The following PIM3 variants were observed in gnomAD, a reference collection of about 807,000 sequenced individuals.
PIM3 encodes Pim-3 proto-oncogene, serine/threonine kinase, also known as serine/threonine-protein kinase pim-3.
A neutral mutation model predicts 27.5 loss-of-function variants in PIM3; 13 were observed. The observed-to-expected ratio is 0.47, with a 90% CI of 0.31 to 0.75. PIM3 has a LOEUF of 0.75. Among genes scored for constraint, PIM3 ranks in the 30% least tolerant of loss-of-function variants. The probability of loss-of-function intolerance (pLI) is 0.05; values close to 1 mark genes in which losing one functional copy is unlikely to be tolerated. For missense variants in PIM3, 482 were observed against 476.9 expected (o/e 1.01, Z -0.10); for synonymous variants, 341 against 221.1 (o/e 1.54, Z -4.81).
chr22:49,961,041 G>C lies in PIM3; in HGVS notation c.85+9G>C, dbSNP rs770650711. 4 of 1,346,412 alleles carry C rather than the reference G, an allele frequency of 3.0e-6. No homozygotes were observed. Among genetic ancestry groups the C allele is most frequent in the African/African-American group, 1.5e-5 (1 of 65,324 alleles). The allele number at this position is 1,346,412 out of a possible 1,614,324, so 83.4% of individuals were successfully genotyped here. On this transcript the variant is annotated intron_variant, in intron 1 of 5. Transcript: ENST00000360612. ...GAAGATCCTGCAGCCAGGTACGCGC[G>C]GGGCCGGCGGGGCCGGGGCCGGGGC...
Position 49,962,809 on chromosome 22 carries a change from A to T in PIM3, c.737A>T (p.Glu246Val), listed in dbSNP as rs780300012. The T allele has an allele frequency of 1.9e-6, 3 of 1,611,968 alleles. No homozygotes were observed. In the African/African-American group the frequency reaches 4.0e-5, roughly 22 times the overall value. ...ATGGTGTGTGGGGACATCCCCTTCG[A>T]GCAGGACGAGGAGATCCTCCGAGGC... ...YDMVCGDIPF[E>V]QDEEILRGRL... Residue 246 changes from glutamate to valine, a missense_variant, in exon 5 of 6, where the codon GAG becomes GTG. Coordinates refer to ENST00000360612, the MANE Select transcript of PIM3 (RefSeq NM_001001852.4).
At position 49,962,858 on chromosome 22, in the gene PIM3, C is replaced by G. The variant is rs201559644; in HGVS notation, c.786C>G (p.Val262=). 2.9e-5 allele frequency: 47 copies of G among 1,609,220 alleles called. No individual in the cohort carries two copies. The African/African-American group carries it at 5.9e-4, about 20-fold the overall frequency. The change falls in exon 5 of 6, where the codon GTC becomes GTG. Residue 262 remains valine (V), a synonymous_variant. Coordinates refer to ENST00000360612, the MANE Select transcript of PIM3 (RefSeq NM_001001852.4). Reference sequence around the variant, plus strand: ...GCCGCCTGCTCTTCCGGAGGAGGGTCTCTCCAGGTGCGTGGTGGCTCGAGG... The same window carrying G: ...GCCGCCTGCTCTTCCGGAGGAGGGTGTCTCCAGGTGCGTGGTGGCTCGAGG... The part of the protein sequence containing the change: ...LRGRLLFRRR[V]SPECQQLIRW...
chr22:49,961,437 C>G lies in PIM3; in HGVS notation c.247-5C>G, dbSNP rs1404456334. ...GGGGCTTTTGCTGACCGCCGTGTCC[C>G]CCAGGGCGGCGCGACCGTGCCCCTG... On this transcript the variant is annotated splice_region_variant and splice_polypyrimidine_tract_variant and intron_variant, in intron 3 of 5. Transcript: ENST00000360612. 2.1e-6 allele frequency: 3 copies of G among 1,429,000 alleles called. No individual in the cohort carries two copies. The Admixed American group carries it at 1.1e-4, about 50-fold the overall frequency. 88.5% of individuals were successfully genotyped at this position (1,429,000 alleles called of 1,614,324 possible).
At position 49,963,183 on chromosome 22, in the gene PIM3, G is replaced by A. The variant is rs897875137; in HGVS notation, c.*56G>A. 1.4e-6 allele frequency: 2 copies of A among 1,464,588 alleles called. No individual in the cohort carries two copies. Among genetic ancestry groups the A allele is most frequent in the Non-Finnish European group, 9.1e-7 (1 of 1,101,556 alleles). The allele number at this position is 1,464,588 out of a possible 1,614,324, so 90.7% of individuals were successfully genotyped here. On this transcript the variant is annotated 3_prime_UTR_variant, in exon 6 of 6. Coordinates refer to ENST00000360612, the MANE Select transcript of PIM3 (RefSeq NM_001001852.4). ...CACCTGCCTTGGCCAGACCTGGGAC[G>A]CCCCCAGACCCTGACTTTCTCCTGC...
chr22:49,961,048 G>GCGGGGCCGGGGC lies in PIM3; in HGVS notation c.85+24_85+35dup, dbSNP rs563630127. ...CTGCAGCCAGGTACGCGCGGGGCCG[G>GCGGGGCCGGGGC]CGGGGCCGGGGCCGGGGCCAGGGCG... On this transcript the variant is annotated intron_variant, in intron 1 of 5. Transcript: ENST00000360612. The GCGGGGCCGGGGC allele has an allele frequency of 1.5e-6, 2 of 1,350,020 alleles. No homozygotes were observed. Among genetic ancestry groups the GCGGGGCCGGGGC allele is most frequent in the Non-Finnish European group, 1.9e-6 (2 of 1,041,326 alleles). The allele number at this position is 1,350,020 out of a possible 1,614,324, so 83.6% of individuals were successfully genotyped here. A position where few individuals can be genotyped will look rare whatever the true frequency, so the allele number is the denominator to read the frequency against.
intron 4 of PIM3, among the ~76,000 whole-genome samples, chr22:49,962,365 C>T (rs899568121): frequency 2.0e-5 from 3 of 147,532 alleles, no homozygotes; most frequent in Admixed American, 1.3e-4. Context: ...CCCCCGTTCC[C>T]GCAGGCAGGC....
chr22:49,962,383 G>T (rs956548191), intron 4 of PIM3, among the ~76,000 whole-genome samples: 1 of 148,148 alleles, frequency 6.8e-6, no homozygotes, highest in African/African-American at 2.5e-5. Context: ...GGCGCGCCGG[G>T]CGGTAAGGGA....
Position 49,963,176 on chromosome 22 carries a change from C to G in PIM3, c.*49C>G, listed in dbSNP as rs536395835. On this transcript the variant is annotated 3_prime_UTR_variant, in exon 6 of 6. Transcript: ENST00000360612. ...AGGGGACCACCTGCCTTGGCCAGAC[C>G]TGGGACGCCCCCAGACCCTGACTTT... The G allele has an allele frequency of 2.0e-5, 29 of 1,483,374 alleles. No homozygotes were observed. The South Asian group carries it at 2.7e-4, about 14-fold the overall frequency. The allele number at this position is 1,483,374 out of a possible 1,614,324, so 91.9% of individuals were successfully genotyped here.
At position 49,961,778 on chromosome 22, in the gene PIM3, C is replaced by T; in HGVS notation, c.583C>T (p.Leu195=). 6.2e-7 allele frequency: 1 copy of T among 1,611,746 alleles called. No homozygotes were observed. ...LKLIDFGSGA[L]LKDTVYTDFD... Reference sequence around the variant, plus strand: ...GCTCATCGACTTCGGTTCGGGTGCGCTGCTCAAGGACACGGTCTACACCGA... The same window carrying T: ...GCTCATCGACTTCGGTTCGGGTGCGTTGCTCAAGGACACGGTCTACACCGA... Residue 195 remains leucine, a synonymous_variant, in exon 4 of 6, where the codon CTG becomes TTG. Transcript: ENST00000360612.
At chr22:49,962,542 G>C (rs1326506699) in intron 4 of PIM3, 147 bp from the exon 5 acceptor site, 1 of 937,236 alleles carries the variant, frequency 1.1e-6, no homozygotes. Flanking sequence ...CGCCTGCCGG[G>C]GTTTTTCCAG....
Position 49,961,006 on chromosome 22 carries a change from A to G in PIM3, c.59A>G (p.His20Arg). 1 of 1,390,600 alleles carries G rather than the reference A, an allele frequency of 7.2e-7. No individual in the cohort carries two copies. The highest frequency in any genetic ancestry group is 1.5e-5 in the South Asian group (1 of 68,312). The allele number at this position is 1,390,600 out of a possible 1,614,324, so 86.1% of individuals were successfully genotyped here. The change falls in exon 1 of 6, where the codon CAC becomes CGC. Residue 20 changes from histidine (H) to arginine (R), a missense_variant. His to Arg is a conservative substitution (Grantham distance 29). Transcript: ENST00000360612. ...AHLCGPGGVD[H>R]LPVKILQPAK... ...CTCTGCGGGCCCGGCGGCGTGGACC[A>G]CCTCCCGGTGAAGATCCTGCAGCCA... is the stretch of plus-strand genomic sequence containing the variant.
In PIM3 at chr22:49,961,046, CGGCGGGGCCGGGGCCGGGGCCAG is replaced by C. The variant is rs1450827720; in HGVS notation, c.85+22_85+44del. The C allele has an allele frequency of 1.2e-5, 16 of 1,348,676 alleles. 1 individual carries two copies. The highest frequency in any genetic ancestry group is 1.0e-4 in the East Asian group (3 of 29,112). 83.5% of individuals were successfully genotyped at this position (1,348,676 alleles called of 1,614,324 possible). ...TCCTGCAGCCAGGTACGCGCGGGGC[CGGCGGGGCCGGGGCCGGGGCCAG>C]GGCGGGGACCGGGGGCGCCCCGGGC... is the stretch of plus-strand genomic sequence containing the variant. On this transcript the variant is annotated intron_variant, in intron 1 of 5. Coordinates refer to ENST00000360612, the MANE Select transcript of PIM3 (RefSeq NM_001001852.4).
At chr22:49,962,602 G>C in intron 4 of PIM3, 87 bp from the exon 5 acceptor site, 5 of 1,425,124 alleles carry the variant, frequency 3.5e-6, no homozygotes, top group Non-Finnish European at 4.7e-6. Flanking sequence ...CTGTTACTGA[G>C]GCCAGGGAGT....
rs2060902929 is a variant in PIM3 at position 49,960,992 on chromosome 22, C to T, written c.45C>T (p.Pro15=). Residue 15 remains proline, a synonymous_variant, in exon 1 of 6, where the codon CCC becomes CCT. Transcript: ENST00000360612. ...GCTCCCTGGCGCACCTCTGCGGGCC[C>T]GGCGGCGTGGACCACCTCCCGGTGA... ...KFGSLAHLCG[P]GGVDHLPVKI... 1 of 1,396,296 alleles carries T rather than the reference C, an allele frequency of 7.2e-7. No homozygotes were observed. Among genetic ancestry groups the T allele is most frequent in the Non-Finnish European group, 9.4e-7 (1 of 1,066,172 alleles). The allele number at this position is 1,396,296 out of a possible 1,614,324, so 86.5% of individuals were successfully genotyped here.
Position 49,963,429 on chromosome 22 carries a change from C to T in PIM3, c.*302C>T, listed in dbSNP as rs2060920065. ...GCGGCCTTCCCATCTGCCTGCCCAC[C>T]CGGAGCTCTTTCCGCCGGCGCAGGG... On this transcript the variant is annotated 3_prime_UTR_variant, in exon 6 of 6. Transcript: ENST00000360612. 3.2e-6 allele frequency: 1 copy of T among 311,594 alleles called. No homozygotes were observed. The highest frequency in any genetic ancestry group is 6.0e-6 in the Non-Finnish European group (1 of 165,896). The allele number at this position is 311,594 out of a possible 1,614,324, so 19.3% of individuals were successfully genotyped here. A position where few individuals can be genotyped will look rare whatever the true frequency, so the allele number is the denominator to read the frequency against.
In PIM3 at chr22:49,961,648, C is replaced by T. The variant is rs2060908082; in HGVS notation, c.453C>T (p.Phe151=). The T allele has an allele frequency of 1.3e-6, 2 of 1,570,690 alleles. No homozygotes were observed. The highest frequency in any genetic ancestry group is 8.6e-7 in the Non-Finnish European group (1 of 1,158,762). Residue 151 remains phenylalanine (F), a synonymous_variant, in exon 4 of 6, where the codon TTC becomes TTT. Transcript: ENST00000360612. ...ACGAGCCGCTGGCGCGCCGCTTCTT[C>T]GCGCAGGTGCTGGCCGCCGTGCGCC... is the stretch of plus-strand genomic sequence containing the variant. ...ALDEPLARRF[F]AQVLAAVRHC...
chr22:49,961,186 C>T lies in PIM3; in HGVS notation c.147C>T (p.Gly49=), dbSNP rs1392619455. 6 of 1,535,572 alleles carry T rather than the reference C, an allele frequency of 3.9e-6. No individual in the cohort carries two copies. The highest frequency in any genetic ancestry group is 1.2e-5 in the South Asian group (1 of 82,866). Residue 49 remains glycine, a synonymous_variant, in exon 2 of 6, where the codon GGC becomes GGT. Transcript: ENST00000360612. Reference sequence around the variant, plus strand: ...AGGTGGGCGCCGTGCTGGGTAGCGGCGGCTTCGGCACGGTCTACGCGGGTA... The same window carrying T: ...AGGTGGGCGCCGTGCTGGGTAGCGGTGGCTTCGGCACGGTCTACGCGGGTA... ...AYQVGAVLGS[G]GFGTVYAGSR...
rs1425436963 is a variant in PIM3, at chr22:49,963,175, C to A, written c.*48C>A. ...TAGGGGACCACCTGCCTTGGCCAGA[C>A]CTGGGACGCCCCCAGACCCTGACTT... On this transcript the variant is annotated 3_prime_UTR_variant, in exon 6 of 6. Transcript: ENST00000360612. 5 of 1,483,110 alleles carry A rather than the reference C, an allele frequency of 3.4e-6. No homozygotes were observed. The highest frequency in any genetic ancestry group is 2.3e-5 in the Admixed American group (1 of 43,482). The allele number at this position is 1,483,110 out of a possible 1,614,324, so 91.9% of individuals were successfully genotyped here. A position where few individuals can be genotyped will look rare whatever the true frequency, so the allele number is the denominator to read the frequency against.
chr22:49,960,886 G>C lies in PIM3; in HGVS notation c.-62G>C, dbSNP rs1462920990. The C allele has an allele frequency of 4.4e-6, 5 of 1,140,942 alleles. No individual in the cohort carries two copies. The highest frequency in any genetic ancestry group is 3.7e-4 in the Middle Eastern group (1 of 2,738). The allele number at this position is 1,140,942 out of a possible 1,614,324, so 70.7% of individuals were successfully genotyped here. On this transcript the variant is annotated 5_prime_UTR_variant, in exon 1 of 6. Coordinates refer to ENST00000360612, the MANE Select transcript of PIM3 (RefSeq NM_001001852.4). The stretch of plus-strand genomic sequence containing the variant: ...GGCCGGTGTCCCCGGCGCGCCGCTC[G>C]CCCGGATCGGCCGCGGCTTCGGCGC...
Sources: allele counts gnomAD v4.1 joint callset (sites outside exome capture counted in the v4.1 genomes callset), GRCh38; gene constraint gnomAD v4.1.1; transcripts MANE v1.5; gene names NCBI Gene and HGNC (gene_info 2026-07-23, HGNC 2026-07-21).